FAM161A: variants seen among roughly 807,000 people sequenced by gnomAD.
FAM161A encodes FAM161 centrosomal protein A, also known as protein FAM161A.
In FAM161A, 57 loss-of-function variants were observed where a neutral mutation model predicts 70.9. That is an observed-to-expected ratio of 0.80 (90% confidence interval 0.65 to 1.00). The LOEUF (loss-of-function observed/expected upper bound fraction) is 1.00. Among genes scored for constraint, FAM161A ranks in the 50% least tolerant of loss-of-function variants. The pLI is 0.00. For synonymous variants in FAM161A, 299 were observed against 295.7 expected (o/e 1.01, Z -0.12); for missense variants, 880 against 836.0 (o/e 1.05, Z -0.65).
Position 61,827,123 on chromosome 2 carries a change from C to CA in FAM161A, c.1986dup (p.Val663CysfsTer3). 1 of 1,613,816 alleles carries CA rather than the reference C, an allele frequency of 6.2e-7. No homozygotes were observed. Among genetic ancestry groups the CA allele is most frequent in the Non-Finnish European group, 8.5e-7 (1 of 1,179,970 alleles). ...TGTTACCTTTCTTTGTCTTCAGTGA[C>CA]ACTTTTCGTCTCTTGATTGTTGAAG... On this transcript the variant is annotated frameshift_variant, in exon 6 of 7. Coordinates refer to ENST00000404929, the MANE Select transcript of FAM161A (RefSeq NM_001201543.2). LOFTEE classifies it high-confidence loss of function.
chr2:61,816,885 G>A, the FAM161A span, among the ~76,000 whole-genome samples: 2 of 152,178 alleles, frequency 1.3e-5, no homozygotes, highest in Non-Finnish European at 2.9e-5. Flanking sequence ...CAGAGAGGAA[G>A]CAGGGAAAGC....
rs200458949 is a variant in FAM161A at position 61,839,680 on chromosome 2, G to A, written c.1324C>T (p.Leu442Phe). The stretch of plus-strand genomic sequence containing the variant: ...AGTTTTGGAGACTTGTGTTCTGAGA[G>A]GTGTTTCTGGTATCTCTCAGGAAGG... ...EDLPERYQKH[L>F]SEHKSPKLLT... The change falls in exon 3 of 7, where the codon CTC becomes TTC. Residue 442 changes from leucine to phenylalanine, a missense_variant. Leu to Phe is a conservative substitution (Grantham distance 22). Transcript: ENST00000404929. 1.2e-6 allele frequency: 2 copies of A among 1,614,188 alleles called. No homozygotes were observed. The highest frequency in any genetic ancestry group is 2.2e-5 in the East Asian group (1 of 44,880).
the FAM161A span, among the ~76,000 whole-genome samples, chr2:61,812,493 G>T: frequency 6.7e-6 from 1 of 149,330 alleles, no homozygotes; most frequent in East Asian, 2.0e-4. Flanking sequence ...AGGCCAAGGC[G>T]GGTGGATCAC....
rs368349735 is a variant in FAM161A at position 61,829,274 on chromosome 2, T to G, written c.1852-2016A>C. Among the ~76,000 whole-genome samples the G allele has an allele frequency of 3.8e-4, 58 of 152,290 alleles. 2 individuals are homozygous for G. The South Asian group carries it at 0.012, about 31-fold the overall frequency. On this transcript the variant is annotated intron_variant, in intron 5 of 6. Transcript: ENST00000404929. ...GGTCGTCAAGAGTTTGAAGGTGACC[T>G]AAAGCCTGACTTGAGCAACGTAGTT...
the FAM161A span, among the ~76,000 whole-genome samples, chr2:61,817,506 T>A: frequency 6.6e-6 from 1 of 152,296 alleles, no homozygotes; most frequent in South Asian, 2.1e-4. Context: ...TTCACTGTAA[T>A]GAAAAACAAA....
the FAM161A span, among the ~76,000 whole-genome samples, chr2:61,802,846 T>C: frequency 6.6e-6 from 1 of 152,124 alleles, no homozygotes; most frequent in Non-Finnish European, 1.5e-5. Context: ...CCATGCACTT[T>C]CTCCAAAGCA....
At chr2:61,821,659 T>C (rs186127864), downstream of FAM161A, among the ~76,000 whole-genome samples, 617 of 152,274 alleles carry the variant, frequency 4.1e-3, 3 homozygotes, top group Middle Eastern at 0.037. Flanking sequence ...CTTGAACTCC[T>C]GGACTCAAGT....
chr2:61,826,971 T>A, intron 6 of FAM161A, 133 bp downstream of exon 6: 1 of 792,790 alleles, frequency 1.3e-6, no homozygotes, highest in Non-Finnish European at 2.0e-6. Context: ...ACAGTTCATA[T>A]GTCTTTTACT....
At position 61,840,500 on chromosome 2, in the gene FAM161A, G is replaced by C. The variant is rs1672979951; in HGVS notation, c.504C>G (p.Ser168=). 1 of 1,613,992 alleles carries C rather than the reference G, an allele frequency of 6.2e-7. No individual in the cohort carries two copies. The highest frequency in any genetic ancestry group is 8.5e-7 in the Non-Finnish European group (1 of 1,179,884). Residue 168 remains serine (S), a synonymous_variant, in exon 3 of 7, where the codon TCC becomes TCG. Transcript: ENST00000404929. ...FSEPDLGQSS[S]LYVSSSEEEL... Reference sequence around the variant, plus strand: ...CCTCTTCAGAGGAGGACACATACAAGGAGGAAGACTGGCCTAAATCAGGCT... The same window carrying C: ...CCTCTTCAGAGGAGGACACATACAACGAGGAAGACTGGCCTAAATCAGGCT...
intron 5 of FAM161A, among the ~76,000 whole-genome samples, chr2:61,831,546 T>G (rs998744062): frequency 1.3e-5 from 2 of 152,216 alleles, no homozygotes; most frequent in Non-Finnish European, 1.5e-5. Flanking sequence ...TTTTCTGATA[T>G]TCAAAAAGCA....
chr2:61,818,015 CT>C, the FAM161A span, among the ~76,000 whole-genome samples: 1 of 151,752 alleles, frequency 6.6e-6, no homozygotes, highest in African/African-American at 2.4e-5. Context: ...TTTCCCAGAC[CT>C]AGAAACAATG....
At chr2:61,814,155 G>T in the FAM161A span, among the ~76,000 whole-genome samples, 5 of 152,204 alleles carry the variant, frequency 3.3e-5, no homozygotes, top group African/African-American at 1.2e-4. Context: ...GGTGGCTGGA[G>T]TGTCACCTAC....
At chr2:61,802,243 C>T in the FAM161A span, among the ~76,000 whole-genome samples, 3 of 152,176 alleles carry the variant, frequency 2.0e-5, no homozygotes, top group African/African-American at 4.8e-5. Context: ...CCAGGATGTG[C>T]TCCCACTTTG....
At chr2:61,843,089 G>C (rs764390655) in intron 1 of FAM161A, among the ~76,000 whole-genome samples, 1 of 152,146 alleles carries the variant, frequency 6.6e-6, no homozygotes, top group Non-Finnish European at 1.5e-5. Flanking sequence ...ATGTTTAGAA[G>C]GGTCTGACTG....
chr2:61,836,351 G>A (rs1672773941), intron 4 of FAM161A: 2 of 435,088 alleles, frequency 4.6e-6, no homozygotes, highest in African/African-American at 4.0e-5. Context: ...CACATATTAT[G>A]CTCTAGGAAT....
At chr2:61,820,075 T>C, downstream of FAM161A, 1 of 318,684 alleles carries the variant, frequency 3.1e-6, no homozygotes, top group Non-Finnish European at 5.9e-6. Context: ...ATACAGTATA[T>C]TTAATGATGT....
chr2:61,811,662 T>C, the FAM161A span, among the ~76,000 whole-genome samples: 5 of 151,926 alleles, frequency 3.3e-5, no homozygotes, highest in East Asian at 7.7e-4. Context: ...CATGAACCAC[T>C]GCGCCTGGCC....
chr2:61,812,540 G>A, the FAM161A span, among the ~76,000 whole-genome samples: 2 of 151,674 alleles, frequency 1.3e-5, no homozygotes, highest in African/African-American at 2.4e-5. Flanking sequence ...TGGCCAATAT[G>A]GTGAAATCCC....
In FAM161A at chr2:61,842,564, G is replaced by C. The variant is rs75031982; in HGVS notation, c.184-204C>G. On this transcript the variant is annotated intron_variant, in intron 1 of 6. Coordinates refer to ENST00000404929, the MANE Select transcript of FAM161A (RefSeq NM_001201543.2). ...ATATTTTAAGAACGAGAGGGAGCAA[G>C]ACCAAACTGTCAGAAAATAAATGTT... 3.7e-4 allele frequency among the ~76,000 whole-genome samples: 57 copies of C among 152,320 alleles called. No homozygotes were observed. In the East Asian group the frequency reaches 0.01, roughly 28 times the overall value.
Sources: allele counts gnomAD v4.1 joint callset (sites outside exome capture counted in the v4.1 genomes callset), GRCh38; gene constraint gnomAD v4.1.1; transcripts MANE v1.5; gene names NCBI Gene and HGNC (gene_info 2026-07-23, HGNC 2026-07-21).